Variants in DLGAP1 observed in about 807,000 individuals in gnomAD.
DLGAP1 encodes the protein disks large-associated protein 1.
Under a neutral mutation model 90.8 loss-of-function variants are expected in DLGAP1, and 11 were observed. That is an observed-to-expected ratio of 0.12 (90% CI 0.08 to 0.20). The LOEUF is 0.20. Among genes scored for constraint, DLGAP1 ranks in the 10% least tolerant of loss-of-function variants. DLGAP1 has a pLI of 1.00. For synonymous variants in DLGAP1, 558 were observed against 540.7 expected (o/e 1.03, Z -0.44); for missense variants, 1,050 against 1,333.8 (o/e 0.79, Z 3.31).
rs183473314 is a variant in DLGAP1, at chr18:3,675,476, A to C, written c.1591+53659T>G. Among the ~76,000 whole-genome samples the C allele has an allele frequency of 5.3e-5, 8 of 152,362 alleles. 1 individual carries two copies. The highest frequency in any genetic ancestry group is 2.1e-4 in the South Asian group (1 of 4,828). On this transcript the variant is annotated intron_variant, in intron 7 of 12. Coordinates refer to ENST00000315677, the MANE Select transcript of DLGAP1 (RefSeq NM_004746.4). ...TCCAGCAACATCTGTTTGATGGCAC[A>C]GCTTTGGGTGGAAGTGTTTGGATTC...
At chr18:4,133,447 A>C (rs1214180290) in intron 2 of DLGAP1, among the ~76,000 whole-genome samples, 2 of 152,192 alleles carry the variant, frequency 1.3e-5, no homozygotes, top group Non-Finnish European at 2.9e-5. Flanking sequence ...ATGTTGGTCC[A>C]TTGGGTGAAA....
intron 3 of DLGAP1, among the ~76,000 whole-genome samples, chr18:3,910,735 A>G (rs897229056): frequency 3.9e-5 from 6 of 152,180 alleles, no homozygotes; most frequent in Non-Finnish European, 5.9e-5. Context: ...GCAAGCTTCA[A>G]TGGAGTGACT....
intron 12 of DLGAP1, among the ~76,000 whole-genome samples, chr18:3,501,788 T>G (rs1032307520): frequency 6.6e-6 from 1 of 152,126 alleles, no homozygotes; most frequent in East Asian, 1.9e-4. Context: ...AGCTGGACAT[T>G]GGATACCCGT....
At chr18:4,183,227 G>A (rs1307232524) in intron 1 of DLGAP1, among the ~76,000 whole-genome samples, 1 of 152,130 alleles carries the variant, frequency 6.6e-6, no homozygotes, top group Non-Finnish European at 1.5e-5. Context: ...ATAGCTTGAT[G>A]ACTACCAGGC....
At chr18:4,224,184 C>A (rs2078137371) in intron 1 of DLGAP1, among the ~76,000 whole-genome samples, 1 of 152,142 alleles carries the variant, frequency 6.6e-6, no homozygotes, top group Non-Finnish European at 1.5e-5. Context: ...TAATCAGCAG[C>A]AGTAGCCAGG....
intron 2 of DLGAP1, among the ~76,000 whole-genome samples, chr18:4,068,408 A>G (rs558631916): frequency 3.3e-5 from 5 of 151,522 alleles, no homozygotes; most frequent in Admixed American, 2.6e-4. Context: ...ATAATGATAT[A>G]TACTATATAT....
chr18:4,333,641 A>G (rs1437170815), intron 1 of DLGAP1, among the ~76,000 whole-genome samples: 1 of 148,954 alleles, frequency 6.7e-6, no homozygotes, highest in Non-Finnish European at 1.5e-5. Flanking sequence ...TTTTTTTGAA[A>G]CAGAGTCTCG....
At chr18:3,591,508 G>C (rs1362373654) in intron 7 of DLGAP1, among the ~76,000 whole-genome samples, 2 of 151,750 alleles carry the variant, frequency 1.3e-5, no homozygotes, top group African/African-American at 2.4e-5. Context: ...GAGCAACATG[G>C]TGAAACCCAT....
intron 7 of DLGAP1, among the ~76,000 whole-genome samples, chr18:3,628,774 T>G (rs570901297): frequency 1.3e-5 from 2 of 152,364 alleles, no homozygotes; most frequent in East Asian, 3.9e-4. Context: ...CTTCTTTTAC[T>G]TAATGTTGTG....
At chr18:4,344,789 C>T (rs1265856338) in intron 1 of DLGAP1, among the ~76,000 whole-genome samples, 2 of 152,150 alleles carry the variant, frequency 1.3e-5, no homozygotes, top group East Asian at 1.9e-4. Context: ...TCTCAGCCAT[C>T]GTGTTATGAC....
chr18:3,733,411 T>C (rs1352129353), intron 6 of DLGAP1, among the ~76,000 whole-genome samples: 1 of 152,202 alleles, frequency 6.6e-6, no homozygotes, highest in Non-Finnish European at 1.5e-5. Context: ...GCTATTGATA[T>C]GTGGTATAGT....
chr18:4,142,756 T>C (rs2076515669), intron 2 of DLGAP1, among the ~76,000 whole-genome samples: 1 of 152,218 alleles, frequency 6.6e-6, no homozygotes, highest in South Asian at 2.1e-4. Flanking sequence ...GTATTGGTAT[T>C]CATAAATTTG....
At chr18:4,202,922 G>A (rs1442852208) in intron 1 of DLGAP1, among the ~76,000 whole-genome samples, 1 of 152,122 alleles carries the variant, frequency 6.6e-6, no homozygotes, top group African/African-American at 2.4e-5. Flanking sequence ...ATTCTAGGAA[G>A]TACAGATAAA....
intron 1 of DLGAP1, among the ~76,000 whole-genome samples, chr18:4,160,821 T>C (rs1406104702): frequency 6.6e-6 from 1 of 152,102 alleles, no homozygotes; most frequent in Non-Finnish European, 1.5e-5. Context: ...TTTCAAAGTT[T>C]CCCATGTTCC....
At chr18:3,510,799 G>A (rs1466000007) in intron 10 of DLGAP1, among the ~76,000 whole-genome samples, 2 of 152,202 alleles carry the variant, frequency 1.3e-5, no homozygotes, top group Non-Finnish European at 2.9e-5. Flanking sequence ...TCTGATGCCT[G>A]AGCTATATAA....
chr18:4,145,868 AAT>A lies in DLGAP1; in HGVS notation c.-159+5310_-159+5311del, dbSNP rs562135278. Among the ~76,000 whole-genome samples, 276 of 152,284 alleles carry A rather than the reference AAT, an allele frequency of 1.8e-3. 1 individual carries two copies. The highest frequency in any genetic ancestry group is 3.4e-3 in the Middle Eastern group (1 of 294). ...GATTACAAGGCAGAAAACAAAACGTAATTTGCAAACTTCATGCTTGACACTGA... is the reference window on the plus strand; with the variant it reads ...GATTACAAGGCAGAAAACAAAACGTATTGCAAACTTCATGCTTGACACTGA... On this transcript the variant is annotated intron_variant, in intron 2 of 12. Coordinates refer to ENST00000315677, the MANE Select transcript of DLGAP1 (RefSeq NM_004746.4).
At chr18:4,099,238 ATCTGTCTGTCTGTCTG>A (rs35402489) in intron 2 of DLGAP1, among the ~76,000 whole-genome samples, 5 of 114,008 alleles carry the variant, frequency 4.4e-5, no homozygotes, top group Admixed American at 4.0e-4. Context: ...TTGAAAATAG[ATCTGTCTGTCTGTCTG>A]TCTGTCTGTC....
intron 1 of DLGAP1, among the ~76,000 whole-genome samples, chr18:4,438,841 G>C (rs1223291364): frequency 6.6e-6 from 1 of 152,002 alleles, no homozygotes; most frequent in Non-Finnish European, 1.5e-5. Flanking sequence ...CTCTCTCATG[G>C]GAAACTTAGT....
At chr18:3,753,421 G>T (rs1359926332) in intron 5 of DLGAP1, among the ~76,000 whole-genome samples, 1 of 152,124 alleles carries the variant, frequency 6.6e-6, no homozygotes, top group Non-Finnish European at 1.5e-5. Flanking sequence ...GGATCCCAGG[G>T]CATCAGAACT....
Sources: allele counts gnomAD v4.1 joint callset (sites outside exome capture counted in the v4.1 genomes callset), GRCh38; gene constraint gnomAD v4.1.1; transcripts MANE v1.5; gene names NCBI Gene and HGNC (gene_info 2026-07-23, HGNC 2026-07-21).